Variants in LYRM4 observed in about 807,000 individuals in gnomAD.
The protein encoded by LYRM4 is LYR motif containing 4, also known as LYR motif-containing protein 4.
A neutral mutation model predicts 11.7 loss-of-function variants in LYRM4; 9 were observed. The ratio of observed to expected loss-of-function variants is 0.77; its 90% CI spans 0.46 to 1.34. The LOEUF is 1.34. Among genes scored for constraint, LYRM4 ranks in the 40% most tolerant of loss-of-function variants. The probability of loss-of-function intolerance (pLI) is 0.00; values close to 1 mark genes in which losing one functional copy is unlikely to be tolerated. For synonymous variants in LYRM4, 42 were observed against 40.4 expected (o/e 1.04, Z -0.15); for missense variants, 133 against 112.5 (o/e 1.18, Z -0.82).
intron 2 of LYRM4, among the ~76,000 whole-genome samples, chr6:5,189,709 TGA>T (rs949767273): frequency 6.6e-6 from 1 of 152,198 alleles, no homozygotes; most frequent in African/African-American, 2.4e-5. Flanking sequence ...ATGCTAGCCA[TGA>T]GAGTGAGAAG....
chr6:5,228,873 G>A (rs1253518030), intron 1 of LYRM4, among the ~76,000 whole-genome samples: 4 of 150,994 alleles, frequency 2.6e-5, no homozygotes, highest in South Asian at 2.1e-4. Context: ...GCGTGGTGGC[G>A]GGCACCTGTA....
chr6:5,212,619 A>T (rs1762043339), intron 2 of LYRM4, among the ~76,000 whole-genome samples: 1 of 152,190 alleles, frequency 6.6e-6, no homozygotes, highest in Non-Finnish European at 1.5e-5. Context: ...AGAGAGGGAG[A>T]ACCTATAAGA....
intron 2 of LYRM4, among the ~76,000 whole-genome samples, chr6:5,155,253 C>T (rs2746237): frequency 0.09 from 13,681 of 152,000 alleles, 1,188 homozygotes; most frequent in African/African-American, 0.22. Context: ...ATAATTTTTG[C>T]ATTTTTAGTA....
At chr6:5,257,602 C>A (rs749907964) in intron 1 of LYRM4, among the ~76,000 whole-genome samples, 3 of 152,134 alleles carry the variant, frequency 2.0e-5, no homozygotes, top group African/African-American at 7.2e-5. Context: ...TGGGTGAGTG[C>A]GCATTATGGC....
At chr6:5,192,183 C>T (rs953421408) in intron 2 of LYRM4, among the ~76,000 whole-genome samples, 8 of 152,154 alleles carry the variant, frequency 5.3e-5, no homozygotes, top group Admixed American at 2.0e-4. Context: ...GTTTCCTCTG[C>T]TGAGCATCCT....
the LYRM4 span, among the ~76,000 whole-genome samples, chr6:5,059,122 C>T: frequency 1.3e-5 from 2 of 152,046 alleles, no homozygotes; most frequent in African/African-American, 4.8e-5. Flanking sequence ...CGGAGGATCC[C>T]TTGAGCCCCG....
chr6:5,109,269 G>A lies in LYRM4; in HGVS notation c.*154C>T. The A allele has an allele frequency of 1.3e-6, 2 of 1,508,032 alleles. No homozygotes were observed. The highest frequency in any genetic ancestry group is 4.3e-5 in the Admixed American group (2 of 46,848). 93.4% of individuals were successfully genotyped at this position (1,508,032 alleles called of 1,614,324 possible). A position where few individuals can be genotyped will look rare whatever the true frequency, so the allele number is the denominator to read the frequency against. Reference sequence around the variant, plus strand: ...ACAGCAGTCCTTTTTCACTAAGCCTGCAACAGAATGCAAATGTGACTTGGT... The same window carrying A: ...ACAGCAGTCCTTTTTCACTAAGCCTACAACAGAATGCAAATGTGACTTGGT... On this transcript the variant is annotated 3_prime_UTR_variant, in exon 3 of 3. Coordinates refer to ENST00000330636, the MANE Select transcript of LYRM4 (RefSeq NM_020408.6).
At chr6:5,208,458 A>G (rs1023463009) in intron 2 of LYRM4, among the ~76,000 whole-genome samples, 1 of 152,236 alleles carries the variant, frequency 6.6e-6, no homozygotes, top group South Asian at 2.1e-4. Flanking sequence ...AAAATTCCCA[A>G]ATGAAACTCT....
the LYRM4 span, among the ~76,000 whole-genome samples, chr6:5,059,879 C>T: frequency 1.3e-5 from 2 of 151,642 alleles, no homozygotes; most frequent in Admixed American, 1.3e-4. Flanking sequence ...TAGCTCATTG[C>T]AGCCTTGAAC....
At chr6:5,173,986 TG>T (rs1163101035) in intron 2 of LYRM4, among the ~76,000 whole-genome samples, 15 of 152,162 alleles carry the variant, frequency 9.9e-5, no homozygotes, top group Non-Finnish European at 1.5e-5. Context: ...TTTCGAGGCC[TG>T]GGGTAAATGC....
At chr6:5,126,537 C>G (rs186057415) in intron 2 of LYRM4, among the ~76,000 whole-genome samples, 2 of 152,256 alleles carry the variant, frequency 1.3e-5, no homozygotes, top group African/African-American at 4.8e-5. Context: ...CAAAGATGGT[C>G]ACAGCAACAC....
chr6:5,067,138 ACTC>A, the LYRM4 span, among the ~76,000 whole-genome samples: 1 of 152,018 alleles, frequency 6.6e-6, no homozygotes, highest in Non-Finnish European at 1.5e-5. Flanking sequence ...CTTTGCTACT[ACTC>A]CACCTCTTCC....
chr6:5,189,239 A>G (rs1760607664), intron 2 of LYRM4, among the ~76,000 whole-genome samples: 1 of 152,174 alleles, frequency 6.6e-6, no homozygotes, highest in Non-Finnish European at 1.5e-5. Flanking sequence ...TTTGTTTTGG[A>G]GAAATTAAGT....
At chr6:5,038,065 CA>C in the LYRM4 span, among the ~76,000 whole-genome samples, 1 of 55,954 alleles carries the variant, frequency 1.8e-5, no homozygotes, top group Non-Finnish European at 4.2e-5. Flanking sequence ...GGTTGCCAGG[CA>C]GAGGGTTTCC....
intron 2 of LYRM4, among the ~76,000 whole-genome samples, chr6:5,160,846 C>T (rs1453263754): frequency 6.6e-6 from 1 of 152,208 alleles, no homozygotes; most frequent in East Asian, 1.9e-4. Flanking sequence ...TCTAAGTCAA[C>T]TGGCCATTTA....
intron 2 of LYRM4, among the ~76,000 whole-genome samples, chr6:5,195,976 T>C (rs1162244842): frequency 6.6e-6 from 1 of 152,222 alleles, no homozygotes; most frequent in African/African-American, 2.4e-5. Flanking sequence ...AACCCTTATA[T>C]TGCACTTAGT....
chr6:5,239,433 G>C (rs919972155), intron 1 of LYRM4, among the ~76,000 whole-genome samples: 2 of 152,044 alleles, frequency 1.3e-5, no homozygotes, highest in African/African-American at 4.8e-5. Flanking sequence ...CCCTGGAAAG[G>C]ACAAATGGAG....
At chr6:5,207,758 CAG>C (rs148932327) in intron 2 of LYRM4, among the ~76,000 whole-genome samples, 8 of 151,164 alleles carry the variant, frequency 5.3e-5, no homozygotes, top group South Asian at 2.1e-4. Flanking sequence ...CTTTTGACGG[CAG>C]AGAGAGAGAG....
At position 5,109,014 on chromosome 6, in the gene LYRM4, T is replaced by C; in HGVS notation, c.*409A>G. On this transcript the variant is annotated 3_prime_UTR_variant, in exon 3 of 3. Coordinates refer to ENST00000330636, the MANE Select transcript of LYRM4 (RefSeq NM_020408.6). ...GCCCCCAACAGCCCTCTCCAGGCCTTGTATCAGTAGGAAATGAAAATGCAT... is the reference window on the plus strand; with the variant it reads ...GCCCCCAACAGCCCTCTCCAGGCCTCGTATCAGTAGGAAATGAAAATGCAT... The C allele has an allele frequency of 5.0e-6, 5 of 1,008,620 alleles. No individual in the cohort carries two copies. The highest frequency in any genetic ancestry group is 3.6e-6 in the Non-Finnish European group (3 of 842,732). 62.5% of individuals were successfully genotyped at this position (1,008,620 alleles called of 1,614,324 possible). A position where few individuals can be genotyped will look rare whatever the true frequency, so the allele number is the denominator to read the frequency against.
Sources: allele counts gnomAD v4.1 joint callset (sites outside exome capture counted in the v4.1 genomes callset), GRCh38; gene constraint gnomAD v4.1.1; transcripts MANE v1.5; gene names NCBI Gene and HGNC (gene_info 2026-07-23, HGNC 2026-07-21).